Variants in ROBO2 observed in about 807,000 individuals in gnomAD.
ROBO2 encodes roundabout homolog 2.
A neutral mutation model predicts 160.8 loss-of-function variants in ROBO2; 53 were observed. The observed-to-expected ratio is 0.33, with a 90% confidence interval of 0.26 to 0.41. The LOEUF (loss-of-function observed/expected upper bound fraction) is 0.41. Ranked by LOEUF, ROBO2 falls within the 10% of genes least tolerant of loss-of-function variation. The pLI is 1.00. For missense variants in ROBO2, 1,577 were observed against 1,722.4 expected (o/e 0.92, Z 1.49); for synonymous variants, 664 against 611.7 (o/e 1.09, Z -1.26).
chr3:77,088,492 C>T (rs546937155), intron 1 of ROBO2, among the ~76,000 whole-genome samples: 18 of 152,234 alleles, frequency 1.2e-4, no homozygotes, highest in African/African-American at 3.9e-4. Context: ...ACCTGTCAAT[C>T]CATCACTTAG....
chr3:76,909,137 G>T (rs917355577), intron 2 of ROBO2, among the ~76,000 whole-genome samples: 4 of 152,152 alleles, frequency 2.6e-5, no homozygotes, highest in African/African-American at 9.7e-5. Flanking sequence ...TAAGGCAGGA[G>T]CATTGCCTTG....
intron 2 of ROBO2, among the ~76,000 whole-genome samples, chr3:76,148,251 A>T (rs1042554164): frequency 2.6e-5 from 4 of 152,038 alleles, no homozygotes; most frequent in African/African-American, 9.7e-5. Flanking sequence ...CCAACTCTCA[A>T]CTACCTGCCT....
rs369073693 is a variant in ROBO2, at chr3:77,598,487, G to GTATATATATA, written c.2854+1744_2854+1753dup. Among the ~76,000 whole-genome samples the GTATATATATA allele has an allele frequency of 2.2e-3, 306 of 136,852 alleles. 2 individuals carry two copies. The highest frequency in any genetic ancestry group is 7.0e-3 in the African/African-American group (260 of 37,152). 89.8% of individuals were successfully genotyped at this position (136,852 alleles called of 152,430 possible). ...ATATATATATTTATTTATATAGTGT[G>GTATATATATA]TATATATATATATATACGCACACAC... On this transcript the variant is annotated intron_variant, in intron 19 of 25. Transcript: ENST00000461745.
intron 1 of ROBO2, among the ~76,000 whole-genome samples, chr3:77,050,159 C>G (rs573859033): frequency 1.3e-5 from 2 of 152,082 alleles, no homozygotes; most frequent in Non-Finnish European, 2.9e-5. Context: ...AATCTAGCAA[C>G]AGGCACTCTT....
At chr3:76,169,772 C>T (rs1486077162) in intron 2 of ROBO2, among the ~76,000 whole-genome samples, 1 of 151,884 alleles carries the variant, frequency 6.6e-6, no homozygotes, top group Non-Finnish European at 1.5e-5. Flanking sequence ...TAGATAGTTT[C>T]GTTATTGTTA....
chr3:77,102,030 A>T (rs1483578145), intron 2 of ROBO2, among the ~76,000 whole-genome samples: 4 of 152,186 alleles, frequency 2.6e-5, no homozygotes, highest in African/African-American at 9.7e-5. Flanking sequence ...ACAGAGTGAA[A>T]CCCTATCTCA....
At chr3:76,489,664 T>A (rs1577581694) in intron 2 of ROBO2, among the ~76,000 whole-genome samples, 2 of 152,286 alleles carry the variant, frequency 1.3e-5, no homozygotes, top group South Asian at 4.1e-4. Flanking sequence ...TTTGAGTTAT[T>A]GTTACTTTGA....
chr3:77,200,264 A>ATTTT (rs1389920672), intron 2 of ROBO2, among the ~76,000 whole-genome samples: 7 of 65,308 alleles, frequency 1.1e-4, no homozygotes, highest in Admixed American at 1.8e-4. Flanking sequence ...TAACTAACAT[A>ATTTT]TTTTATATAT....
chr3:76,070,737 C>T (rs144692361), intron 2 of ROBO2, among the ~76,000 whole-genome samples: 166 of 152,128 alleles, frequency 1.1e-3, no homozygotes, highest in Non-Finnish European at 2.1e-3. Flanking sequence ...TGTGATGTCT[C>T]CCCCAGACGC....
chr3:77,426,216 T>C (rs527375903), intron 2 of ROBO2, among the ~76,000 whole-genome samples: 153 of 152,168 alleles, frequency 1.0e-3, no homozygotes, highest in Non-Finnish European at 1.5e-3. Context: ...ACTTGGGACA[T>C]TGAGCTGTAA....
chr3:76,834,023 TTTTC>T (rs1553651131), intron 2 of ROBO2, among the ~76,000 whole-genome samples: 7 of 116,322 alleles, frequency 6.0e-5, no homozygotes, highest in Non-Finnish European at 9.3e-5. Flanking sequence ...CCTTTCTTTC[TTTTC>T]TTTCTTTCTT....
intron 2 of ROBO2, among the ~76,000 whole-genome samples, chr3:75,959,492 C>A (rs1272977220): frequency 6.6e-6 from 1 of 151,646 alleles, no homozygotes; most frequent in Admixed American, 6.6e-5. Flanking sequence ...AAACATCTTC[C>A]AAATTTACTT....
chr3:76,337,139 G>T (rs34789962), intron 2 of ROBO2, among the ~76,000 whole-genome samples: 8,187 of 152,086 alleles, frequency 0.054, 225 homozygotes, highest in African/African-American at 0.07. Context: ...AGCTGTAAAA[G>T]TTGATCTTTC....
intron 2 of ROBO2, among the ~76,000 whole-genome samples, chr3:76,928,208 A>G (rs2077102439): frequency 6.6e-6 from 1 of 152,186 alleles, no homozygotes; most frequent in Non-Finnish European, 1.5e-5. Flanking sequence ...TTGAATACAG[A>G]CAAAGAGAGC....
intron 2 of ROBO2, among the ~76,000 whole-genome samples, chr3:77,303,707 G>C (rs1018862589): frequency 5.3e-5 from 8 of 151,990 alleles, no homozygotes; most frequent in African/African-American, 1.9e-4. Context: ...ATTACACAAT[G>C]TGTGTGTATA....
At chr3:76,624,520 G>A (rs1210311471) in intron 2 of ROBO2, among the ~76,000 whole-genome samples, 2 of 143,286 alleles carry the variant, frequency 1.4e-5, no homozygotes, top group Non-Finnish European at 1.5e-5. Context: ...TATAGAGGCC[G>A]GGCGCGGTGG....
intron 2 of ROBO2, among the ~76,000 whole-genome samples, chr3:76,212,339 A>C (rs1703196010): frequency 1.3e-5 from 2 of 151,970 alleles, no homozygotes; most frequent in African/African-American, 4.8e-5. Flanking sequence ...ATTGAAAACA[A>C]TTTATTTTTG....
chr3:76,410,540 G>T (rs939880037), intron 2 of ROBO2, among the ~76,000 whole-genome samples: 1 of 152,084 alleles, frequency 6.6e-6, no homozygotes, highest in Non-Finnish European at 1.5e-5. Flanking sequence ...CAGGTTCTCA[G>T]TTGTCTTCTA....
chr3:76,961,177 G>A (rs2079620792), intron 2 of ROBO2, among the ~76,000 whole-genome samples: 1 of 142,792 alleles, frequency 7.0e-6, no homozygotes, highest in South Asian at 2.3e-4. Context: ...TTGAAAGACA[G>A]ACCCTGCTCA....
Sources: allele counts gnomAD v4.1 joint callset (sites outside exome capture counted in the v4.1 genomes callset), GRCh38; gene constraint gnomAD v4.1.1; transcripts MANE v1.5; gene names NCBI Gene and HGNC (gene_info 2026-07-23, HGNC 2026-07-21).